IKBKE: variants seen among roughly 807,000 people sequenced by gnomAD.
The protein encoded by IKBKE is inhibitor of nuclear factor kappa B kinase subunit epsilon.
IKBKE carries 45 observed loss-of-function variants against 92.1 expected under a neutral mutation model. That is an observed-to-expected ratio of 0.49 (90% CI 0.38 to 0.63). The LOEUF (loss-of-function observed/expected upper bound fraction) is 0.63, where lower values mean the gene tolerates loss of function less well. IKBKE is among the 20% of genes least tolerant of loss of function. IKBKE has a pLI of 0.00. For synonymous variants in IKBKE, 374 were observed against 380.3 expected (o/e 0.98, Z 0.19); for missense variants, 700 against 932.8 (o/e 0.75, Z 3.25).
intron 12 of IKBKE, 34 bp downstream of exon 12, chr1:206,480,147 A>T: frequency 9.0e-6 from 11 of 1,226,582 alleles, no homozygotes; most frequent in South Asian, 1.4e-5. Flanking sequence ...ACAGAGGGGG[A>T]GGCGGGCAGG....
rs879953097 is a variant in IKBKE at position 206,485,264 on chromosome 1, G to A, written c.1574G>A (p.Arg525Gln). 35 of 1,613,580 alleles carry A rather than the reference G, an allele frequency of 2.2e-5. No individual in the cohort carries two copies. Among genetic ancestry groups the A allele is most frequent in the Admixed American group, 1.5e-4 (9 of 60,008 alleles). ...ETQESLSSLN[R>Q]ELVKSRDQVH... ...CAGGAGAGCCTGAGCAGCCTGAACC[G>A]GGAGCTGGTGAAGAGCCGGGATCAG... Residue 525 changes from arginine (R) to glutamine (Q), a missense_variant, in exon 15 of 22, where the codon CGG becomes CAG. Transcript: ENST00000581977. This position sits in a 1 kb window ranked among gnomAD's most constrained non-coding sequence, Gnocchi z 5.0.
rs551962467 is a variant in IKBKE at position 206,491,372 on chromosome 1, T to C, written c.1734-276T>C. On this transcript the variant is annotated intron_variant, in intron 17 of 21. Transcript: ENST00000581977. ...CTGCCTCACTTTCCCTTCCCTTTCCTGAGGACTAAGCTTGAGCACATGTGT... is the reference window on the plus strand; with the variant it reads ...CTGCCTCACTTTCCCTTCCCTTTCCCGAGGACTAAGCTTGAGCACATGTGT... 5.2e-5 allele frequency: 21 copies of C among 404,952 alleles called. 1 individual carries two copies. The highest frequency in any genetic ancestry group is 4.4e-4 in the South Asian group (19 of 42,714). 25.1% of individuals were successfully genotyped at this position (404,952 alleles called of 1,614,324 possible). A position where few individuals can be genotyped will look rare whatever the true frequency, so the allele number is the denominator to read the frequency against.
chr1:206,474,863 A>AG lies in IKBKE; in HGVS notation c.230dup. On this transcript the variant is annotated splice_acceptor_variant, in intron 4 of 21. Transcript: ENST00000581977. LOFTEE classifies it high-confidence loss of function. ...ATGAGCCCCTCTCTGTCCCACCCAT[A>AG]GGGCGGAAGCCGGCAGAAGGTACTG... 6.2e-7 allele frequency: 1 copy of AG among 1,613,726 alleles called. No homozygotes were observed. Among genetic ancestry groups the AG allele is most frequent in the Non-Finnish European group, 8.5e-7 (1 of 1,179,832 alleles).
At chr1:206,479,808 T>C (rs970024806) in intron 10 of IKBKE, 62 bp from the exon 11 acceptor site, 162 of 1,544,198 alleles carry the variant, frequency 1.0e-4, no homozygotes, top group Admixed American at 7.1e-5. Context: ...CTGGAAATAA[T>C]GAAAGATAAG....
chr1:206,486,356 C>CT (rs1665658514), intron 15 of IKBKE, among the ~76,000 whole-genome samples: 1 of 152,140 alleles, frequency 6.6e-6, no homozygotes, highest in Admixed American at 6.5e-5. Context: ...ATCTGAGGCC[C>CT]TGTCCTTTTG....
At chr1:206,472,890 C>T (rs1664855729) in intron 2 of IKBKE, 1 of 350,340 alleles carries the variant, frequency 2.9e-6, no homozygotes, top group South Asian at 2.8e-5. Context: ...AGAGGTTTGT[C>T]TCTGCAGAAT....
At position 206,496,478 on chromosome 1, in the gene IKBKE, C is replaced by T. The variant is rs1328433578; in HGVS notation, c.*333C>T. ...GTGGGGAGAAGAAGCTCTCATACGC[C>T]TTCCCACTCCCTCTGGTTTATAGGA... On this transcript the variant is annotated 3_prime_UTR_variant, in exon 22 of 22. Transcript: ENST00000581977. The T allele has an allele frequency of 1.6e-5, 6 of 371,914 alleles. No individual in the cohort carries two copies. Among genetic ancestry groups the T allele is most frequent in the Non-Finnish European group, 2.5e-5 (5 of 201,592 alleles). 23.0% of individuals were successfully genotyped at this position (371,914 alleles called of 1,614,324 possible).
intron 18 of IKBKE, 63 bp downstream of exon 18, chr1:206,491,812 G>A (rs1411629705): frequency 4.1e-6 from 5 of 1,216,532 alleles, no homozygotes; most frequent in East Asian, 2.4e-5. Context: ...GGCTTCAGAG[G>A]ACCCAGGGCT....
At chr1:206,491,056 A>G in intron 17 of IKBKE, 198 bp downstream of exon 17, 2 of 622,104 alleles carry the variant, frequency 3.2e-6, no homozygotes, top group Non-Finnish European at 5.8e-6. Context: ...CTCAGATGCA[A>G]TCTTGAAGTA....
rs1052122052 is a variant in IKBKE at position 206,474,429 on chromosome 1, G to A, written c.186G>A (p.Leu62=). The A allele has an allele frequency of 1.5e-5, 24 of 1,614,040 alleles. No individual in the cohort carries two copies. The highest frequency in any genetic ancestry group is 2.0e-5 in the Non-Finnish European group (24 of 1,180,018). ...GGGAGTTTGAGGTCCTGCGGAAGCT[G>A]AACCACCAGAACATTGTCAAGCTCT... The part of the protein sequence containing the change: ...QVREFEVLRK[L]NHQNIVKLFA... Residue 62 remains leucine, a synonymous_variant, in exon 4 of 22, where the codon CTG becomes CTA. Coordinates refer to ENST00000581977, the MANE Select transcript of IKBKE (RefSeq NM_014002.4).
Position 206,490,868 on chromosome 1 carries a change from C to G in IKBKE, c.1733+10C>G. The G allele has an allele frequency of 6.2e-7, 1 of 1,613,826 alleles. No homozygotes were observed. Among genetic ancestry groups the G allele is most frequent in the Non-Finnish European group, 8.5e-7 (1 of 1,179,756 alleles). On this transcript the variant is annotated intron_variant, in intron 17 of 21. Transcript: ENST00000581977. The surrounding 1 kb of genome is among the most constrained non-coding windows in gnomAD (Gnocchi z 5.2). The stretch of plus-strand genomic sequence containing the variant: ...TTCACAAGCTGGATAAGTGAGTGGC[C>G]TGTCCTCCGGCAGGTGGGTGGGCAG...
At chr1:206,491,840 A>AGAGGGAG in intron 18 of IKBKE, 91 bp downstream of exon 18, 1 of 891,036 alleles carries the variant, frequency 1.1e-6, no homozygotes, top group African/African-American at 1.7e-5. Context: ...GCCCTGAGGC[A>AGAGGGAG]GAGGGAGGAG....
chr1:206,488,660 A>G (rs1553389416), intron 16 of IKBKE, among the ~76,000 whole-genome samples: 2 of 152,160 alleles, frequency 1.3e-5, no homozygotes, highest in African/African-American at 4.8e-5. Flanking sequence ...CTAACACACC[A>G]GGAACCAAAC....
At chr1:206,493,524 A>C in intron 20 of IKBKE, 146 bp downstream of exon 20, 1 of 631,490 alleles carries the variant, frequency 1.6e-6, no homozygotes, top group Non-Finnish European at 2.8e-6. Context: ...GCGGTGGCTC[A>C]CACCTGTAAT....
chr1:206,490,732 C>G lies in IKBKE; in HGVS notation c.1694-87C>G, dbSNP rs897818238. The G allele has an allele frequency of 7.2e-7, 1 of 1,394,090 alleles. No homozygotes were observed. Among genetic ancestry groups the G allele is most frequent in the Non-Finnish European group, 1.0e-6 (1 of 981,170 alleles). 86.4% of individuals were successfully genotyped at this position (1,394,090 alleles called of 1,614,324 possible). A position where few individuals can be genotyped will look rare whatever the true frequency, so the allele number is the denominator to read the frequency against. On this transcript the variant is annotated intron_variant, in intron 16 of 21. Transcript: ENST00000581977. This position sits in a 1 kb window ranked among gnomAD's most constrained non-coding sequence, Gnocchi z 5.2. ...GAAGCAGCACAGGCTGGGCCGTCTT[C>G]ATCTTTTAACTGTCTCTCGACCTTT...
chr1:206,480,003 G>C lies in IKBKE; in HGVS notation c.1249-19G>C, dbSNP rs199949263. On this transcript the variant is annotated intron_variant, in intron 11 of 21. Transcript: ENST00000581977. Reference sequence around the variant, plus strand: ...GGTAGGAGGTGTGGGACCTGGCCCTGTGCATCTCTGTGTTTCAGGGCGTGT... The same window carrying C: ...GGTAGGAGGTGTGGGACCTGGCCCTCTGCATCTCTGTGTTTCAGGGCGTGT... The C allele has an allele frequency of 6.2e-7, 1 of 1,611,294 alleles. No homozygotes were observed. Among genetic ancestry groups the C allele is most frequent in the African/African-American group, 1.3e-5 (1 of 74,870 alleles).
rs781943392 is a variant in IKBKE, at chr1:206,476,383, C to A, written c.540+21C>A. On this transcript the variant is annotated intron_variant, in intron 6 of 21. Coordinates refer to ENST00000581977, the MANE Select transcript of IKBKE (RefSeq NM_014002.4). The surrounding 1 kb of genome is among the most constrained non-coding windows in gnomAD (Gnocchi z 5.1). Reference sequence around the variant, plus strand: ...ACCTGGTGGGTGAGCTGCTCGAGACCCGCTGCCCTATGCTGAGGGCTCCCC... The same window carrying A: ...ACCTGGTGGGTGAGCTGCTCGAGACACGCTGCCCTATGCTGAGGGCTCCCC... 4 of 1,588,736 alleles carry A rather than the reference C, an allele frequency of 2.5e-6. No individual in the cohort carries two copies. Among genetic ancestry groups the A allele is most frequent in the Non-Finnish European group, 3.4e-6 (4 of 1,164,990 alleles).
Position 206,496,627 on chromosome 1 carries a change from T to C in IKBKE, c.*482T>C, listed in dbSNP as rs183255070. On this transcript the variant is annotated 3_prime_UTR_variant, in exon 22 of 22. Coordinates refer to ENST00000581977, the MANE Select transcript of IKBKE (RefSeq NM_014002.4). ...TCATGTTGAACACAGCTCTCTCCGC[T>C]CCCTTGTGATTTCTGAGGGTCACCA... is the stretch of plus-strand genomic sequence containing the variant. The C allele has an allele frequency of 8.5e-6, 2 of 234,862 alleles. No homozygotes were observed. Among genetic ancestry groups the C allele is most frequent in the Non-Finnish European group, 1.7e-5 (2 of 119,136 alleles). The allele number at this position is 234,862 out of a possible 1,614,324, so 14.5% of individuals were successfully genotyped here.
intron 4 of IKBKE, 113 bp from the exon 5 acceptor site, chr1:206,474,752 A>G: frequency 7.6e-7 from 1 of 1,321,656 alleles, no homozygotes; most frequent in Non-Finnish European, 1.0e-6. Flanking sequence ...AGGCCAGGCC[A>G]GAAGCTGGGA....
Sources: gnomAD v4.1 joint callset for allele counts (sites outside exome capture counted in the v4.1 genomes callset) on GRCh38, gnomAD v4.1.1 for gene constraint, Gnocchi (gnomAD v3.1) non-coding constraint, MANE v1.5 for transcripts, NCBI Gene and HGNC (gene_info 2026-07-23, HGNC 2026-07-21) for gene names.